The following KCTD16 variants were observed in gnomAD, a reference collection of about 807,000 sequenced individuals.
KCTD16 encodes the protein potassium channel tetramerization domain containing 16.
In KCTD16, 13 loss-of-function variants were observed where a neutral mutation model predicts 33.2. The observed-to-expected ratio is 0.39, with a 90% CI of 0.25 to 0.62. The LOEUF (loss-of-function observed/expected upper bound fraction) is 0.62. Among genes scored for constraint, KCTD16 ranks in the 20% least tolerant of loss-of-function variants. KCTD16 has a pLI of 0.50. For missense variants in KCTD16, 441 were observed against 525.1 expected (o/e 0.84, Z 1.57); for synonymous variants, 197 against 195.3 (o/e 1.01, Z -0.07).
chr5:144,312,280 G>A (rs1399755435), intron 3 of KCTD16, among the ~76,000 whole-genome samples: 1 of 152,204 alleles, frequency 6.6e-6, no homozygotes, highest in Non-Finnish European at 1.5e-5. Flanking sequence ...TGCAGGACAA[G>A]TGCTTGGCCC....
In KCTD16 at chr5:144,360,741, T is replaced by G. The variant is rs563445483; in HGVS notation, c.833-112919T>G. On this transcript the variant is annotated intron_variant, in intron 3 of 3. Coordinates refer to ENST00000512467, the MANE Select transcript of KCTD16 (RefSeq NM_020768.4). ...CACAGCGCCCAGCCAAACTCATCCTTTTTTATGGCTGCATAGTATTCCATG... is the reference window on the plus strand; with the variant it reads ...CACAGCGCCCAGCCAAACTCATCCTGTTTTATGGCTGCATAGTATTCCATG... Among the ~76,000 whole-genome samples the G allele has an allele frequency of 2.0e-5, 3 of 152,258 alleles. No homozygotes were observed. In the South Asian group the frequency reaches 6.2e-4, roughly 32 times the overall value.
At chr5:144,237,185 C>T (rs529339030) in intron 3 of KCTD16, among the ~76,000 whole-genome samples, 5 of 152,174 alleles carry the variant, frequency 3.3e-5, no homozygotes, top group Middle Eastern at 6.8e-3. Flanking sequence ...TTGCCAGTTA[C>T]ATGCCTCTAT....
At chr5:144,284,175 G>C (rs1249703496) in intron 3 of KCTD16, among the ~76,000 whole-genome samples, 1 of 152,152 alleles carries the variant, frequency 6.6e-6, no homozygotes, top group Non-Finnish European at 1.5e-5. Context: ...GCCTTGATTG[G>C]TCTGGATTGG....
intron 3 of KCTD16, among the ~76,000 whole-genome samples, chr5:144,425,590 T>C (rs928510431): frequency 6.6e-6 from 1 of 152,064 alleles, no homozygotes; most frequent in Non-Finnish European, 1.5e-5. Flanking sequence ...ATACCTCCAC[T>C]ACTCTTGCAT....
chr5:144,371,015 C>T (rs10039910), intron 3 of KCTD16, among the ~76,000 whole-genome samples: 17,782 of 152,012 alleles, frequency 0.12, 2,673 homozygotes, highest in African/African-American at 0.35. Flanking sequence ...ATGCCATCAT[C>T]TCAGAAACAA....
chr5:144,238,608 C>T (rs1051144655), intron 3 of KCTD16, among the ~76,000 whole-genome samples: 4 of 152,042 alleles, frequency 2.6e-5, no homozygotes, highest in African/African-American at 9.7e-5. Context: ...CCATGATCAC[C>T]TGGTCTTGAT....
chr5:144,180,991 GGC>G lies in KCTD16; in HGVS notation c.-327+6523_-327+6524del, dbSNP rs1291229131. Among the ~76,000 whole-genome samples the G allele has an allele frequency of 2.7e-5, 4 of 150,580 alleles. No individual in the cohort carries two copies. In the East Asian group the frequency reaches 7.8e-4, roughly 29 times the overall value. On this transcript the variant is annotated intron_variant, in intron 2 of 3. Coordinates refer to ENST00000512467, the MANE Select transcript of KCTD16 (RefSeq NM_020768.4). ...TCTGTCGCCCAGGCTGGAGTGCAGT[GGC>G]GCGATCTCGGCTCACTGCAAGCTCC...
In KCTD16 at chr5:144,219,981, G is replaced by A. The variant is rs142306582; in HGVS notation, c.832+12435G>A. On this transcript the variant is annotated intron_variant, in intron 3 of 3. Transcript: ENST00000512467. The stretch of plus-strand genomic sequence containing the variant: ...GCACTGTTACTACACATACTTCATG[G>A]CCCTGGAGACAGAAAAAACATATCA... Among the ~76,000 whole-genome samples, 224 of 152,216 alleles carry A rather than the reference G, an allele frequency of 1.5e-3. 2 individuals are homozygous for A. The highest frequency in any genetic ancestry group is 4.9e-3 in the African/African-American group (204 of 41,530).
intron 3 of KCTD16, among the ~76,000 whole-genome samples, chr5:144,246,614 C>T (rs1228784208): frequency 6.6e-6 from 1 of 152,028 alleles, no homozygotes; most frequent in Non-Finnish European, 1.5e-5. Flanking sequence ...TCCATATCAC[C>T]TCAAGTAAAA....
chr5:144,198,504 CCTT>C (rs1483364329), intron 2 of KCTD16, among the ~76,000 whole-genome samples: 1 of 152,108 alleles, frequency 6.6e-6, no homozygotes, highest in Admixed American at 6.5e-5. Context: ...TGGTGTTTGC[CCTT>C]CTTACTTCCT....
intron 3 of KCTD16, among the ~76,000 whole-genome samples, chr5:144,234,985 T>C (rs1754210064): frequency 6.6e-6 from 1 of 152,032 alleles, no homozygotes; most frequent in Non-Finnish European, 1.5e-5. Context: ...CTGTCTCTTC[T>C]AGATGAAAGC....
chr5:144,410,168 C>A (rs759564996), intron 3 of KCTD16, among the ~76,000 whole-genome samples: 7 of 152,128 alleles, frequency 4.6e-5, no homozygotes, highest in Admixed American at 3.3e-4. Flanking sequence ...CTAAGCTTTG[C>A]TGTGCATGGG....
chr5:144,276,934 T>C (rs1039618209), intron 3 of KCTD16, among the ~76,000 whole-genome samples: 4 of 151,888 alleles, frequency 2.6e-5, no homozygotes, highest in African/African-American at 9.7e-5. Flanking sequence ...TCCCATAATC[T>C]ATGTAAATTA....
At chr5:144,219,665 C>T (rs1753679510) in intron 3 of KCTD16, among the ~76,000 whole-genome samples, 1 of 151,932 alleles carries the variant, frequency 6.6e-6, no homozygotes, top group African/African-American at 2.4e-5. Context: ...GGACTCCAGG[C>T]ATCCAACACT....
chr5:144,363,851 A>C (rs912395220), intron 3 of KCTD16, among the ~76,000 whole-genome samples: 1 of 152,184 alleles, frequency 6.6e-6, no homozygotes, highest in East Asian at 1.9e-4. Context: ...CCTGGCATAC[A>C]TTCCCTGCAA....
chr5:144,475,597 T>C lies in KCTD16; in HGVS notation c.*1483T>C, dbSNP rs1754577524. ...TTATTTTCAGCATTCCTCATGCATT[T>C]CAGTGGTAACCAAAAAATAATTTGT... On this transcript the variant is annotated 3_prime_UTR_variant, in exon 4 of 4. Transcript: ENST00000512467. The C allele has an allele frequency of 6.6e-6, 1 of 152,666 alleles. No individual in the cohort carries two copies. Among genetic ancestry groups the C allele is most frequent in the Non-Finnish European group, 1.5e-5 (1 of 68,046 alleles). The allele number at this position is 152,666 out of a possible 1,614,324, so 9.5% of individuals were successfully genotyped here. A position where few individuals can be genotyped will look rare whatever the true frequency, so the allele number is the denominator to read the frequency against.
intron 3 of KCTD16, among the ~76,000 whole-genome samples, chr5:144,262,275 C>T (rs563116401): frequency 2.0e-5 from 3 of 152,224 alleles, no homozygotes; most frequent in South Asian, 2.1e-4. Context: ...GACAAGAGCT[C>T]GGCTGGGAAA....
chr5:144,236,967 T>C (rs1399450539), intron 3 of KCTD16, among the ~76,000 whole-genome samples: 4 of 152,096 alleles, frequency 2.6e-5, no homozygotes, highest in African/African-American at 7.2e-5. Context: ...TGCTTCCCAA[T>C]TGAAAAATGC....
At chr5:144,401,435 T>A (rs1428801301) in intron 3 of KCTD16, among the ~76,000 whole-genome samples, 1 of 152,120 alleles carries the variant, frequency 6.6e-6, no homozygotes, top group Non-Finnish European at 1.5e-5. Flanking sequence ...TGCACACACA[T>A]AAATGCACAA....
Sources: gnomAD v4.1 joint callset for allele counts (sites outside exome capture counted in the v4.1 genomes callset) on GRCh38, gnomAD v4.1.1 for gene constraint, MANE v1.5 for transcripts, NCBI Gene and HGNC (gene_info 2026-07-23, HGNC 2026-07-21) for gene names.